MAP3K3: variants seen among roughly 807,000 people sequenced by gnomAD.
MAP3K3 encodes the protein mitogen-activated protein kinase kinase kinase 3.
In MAP3K3, 12 loss-of-function variants were observed where a neutral mutation model predicts 80.9. The observed-to-expected ratio is 0.15, with a 90% CI of 0.10 to 0.24. The LOEUF is 0.24. Ranked by LOEUF, MAP3K3 falls within the 10% of genes least tolerant of loss-of-function variation. The pLI is 1.00. For missense variants in MAP3K3, 596 were observed against 834.7 expected (o/e 0.71, Z 3.52); for synonymous variants, 272 against 307.1 (o/e 0.89, Z 1.19).
intron 1 of MAP3K3, 74 bp from the exon 2 acceptor site, chr17:63,632,607 G>C: frequency 6.4e-7 from 1 of 1,560,582 alleles, no homozygotes. Context: ...CTGAGTATTA[G>C]TTATACAGTT....
At chr17:63,626,299 C>G (rs983542131) in intron 1 of MAP3K3, among the ~76,000 whole-genome samples, 4 of 152,110 alleles carry the variant, frequency 2.6e-5, no homozygotes, top group Non-Finnish European at 5.9e-5. Flanking sequence ...CAAGAAGTTA[C>G]AGTTAGGTAA....
At chr17:63,656,459 G>A (rs115535277) in intron 4 of MAP3K3, among the ~76,000 whole-genome samples, 2,516 of 151,314 alleles carry the variant, frequency 0.017, 63 homozygotes, top group African/African-American at 0.058. Context: ...AAAAAAATTA[G>A]TGGGGAGTGG....
chr17:63,663,471 C>T (rs1416489417), intron 5 of MAP3K3, among the ~76,000 whole-genome samples: 1 of 150,274 alleles, frequency 6.7e-6, no homozygotes, highest in African/African-American at 2.5e-5. Context: ...CATTGCACTC[C>T]AGCCTGGGCG....
At position 63,695,605 on chromosome 17, in the gene MAP3K3, G is replaced by C. The variant is rs951906062; in HGVS notation, c.*1828G>C. The C allele has an allele frequency of 6.6e-6, 1 of 152,586 alleles. No individual in the cohort carries two copies. Among genetic ancestry groups the C allele is most frequent in the African/African-American group, 2.4e-5 (1 of 41,406 alleles). The allele number at this position is 152,586 out of a possible 1,614,324, so 9.5% of individuals were successfully genotyped here. On this transcript the variant is annotated 3_prime_UTR_variant, in exon 16 of 16. Transcript: ENST00000361733. This position sits in a 1 kb window ranked among gnomAD's most constrained non-coding sequence, Gnocchi z 4.1. ...GACCAAAGCTGCTGTGTGGCAGCTC[G>C]GCCTCTCTACGACCCCATCTTGGTG...
At chr17:63,674,074 T>C (rs1192841068) in intron 6 of MAP3K3, among the ~76,000 whole-genome samples, 2 of 150,268 alleles carry the variant, frequency 1.3e-5, no homozygotes, top group African/African-American at 4.9e-5. Flanking sequence ...AGTGAGACTC[T>C]GTCTCAAAAA....
At chr17:63,624,053 GCTTA>G (rs769487380) in intron 1 of MAP3K3, among the ~76,000 whole-genome samples, 5 of 152,154 alleles carry the variant, frequency 3.3e-5, no homozygotes, top group Non-Finnish European at 5.9e-5. Flanking sequence ...CATTTGCTGG[GCTTA>G]CTGTTTCCTT....
At chr17:63,655,036 TA>T (rs111345447) in intron 4 of MAP3K3, among the ~76,000 whole-genome samples, 1,771 of 151,832 alleles carry the variant, frequency 0.012, 39 homozygotes, top group African/African-American at 0.04. Context: ...AAAAAACGAT[TA>T]AAAAAAATTA....
At position 63,628,824 on chromosome 17, in the gene MAP3K3, TTAAG is replaced by T. The variant is rs567062077; in HGVS notation, c.5-3854_5-3851del. 7.2e-5 allele frequency among the ~76,000 whole-genome samples: 11 copies of T among 152,332 alleles called. No homozygotes were observed. In the South Asian group the frequency reaches 1.7e-3, roughly 23 times the overall value. On this transcript the variant is annotated intron_variant, in intron 1 of 15. Coordinates refer to ENST00000361733, the MANE Select transcript of MAP3K3 (RefSeq NM_002401.5). ...GATTTATAAAAGTTCAGTAATAAAATTAAGTATTAGGGTAGATTAAATGGCCTCC... is the reference window on the plus strand; with the variant it reads ...GATTTATAAAAGTTCAGTAATAAAATTATTAGGGTAGATTAAATGGCCTCC...
chr17:63,650,683 AGAG>A (rs1158220429), intron 3 of MAP3K3, among the ~76,000 whole-genome samples: 5 of 147,418 alleles, frequency 3.4e-5, no homozygotes, highest in African/African-American at 1.3e-4. Flanking sequence ...AGAGAGAGAG[AGAG>A]AGAGAGAGAG....
Position 63,694,192 on chromosome 17 carries a change from A to C in MAP3K3, c.*415A>C. 2 of 156,768 alleles carry C rather than the reference A, an allele frequency of 1.3e-5. No individual in the cohort carries two copies. The highest frequency in any genetic ancestry group is 2.4e-5 in the African/African-American group (1 of 41,654). 9.7% of individuals were successfully genotyped at this position (156,768 alleles called of 1,614,324 possible). On this transcript the variant is annotated 3_prime_UTR_variant, in exon 16 of 16. Coordinates refer to ENST00000361733, the MANE Select transcript of MAP3K3 (RefSeq NM_002401.5). Reference sequence around the variant, plus strand: ...AAGTGTTATTTTGTTTTTCCTTCCAATGTCTGGAGACCACCAGGGCATCTC... The same window carrying C: ...AAGTGTTATTTTGTTTTTCCTTCCACTGTCTGGAGACCACCAGGGCATCTC...
At chr17:63,628,768 CAAGAT>C (rs1432001753) in intron 1 of MAP3K3, among the ~76,000 whole-genome samples, 4 of 152,040 alleles carry the variant, frequency 2.6e-5, no homozygotes, top group Non-Finnish European at 4.4e-5. Context: ...ATGTGTAATA[CAAGAT>C]AAGTATTCAG....
At chr17:63,644,723 G>A (rs2034508004) in intron 2 of MAP3K3, among the ~76,000 whole-genome samples, 2 of 152,112 alleles carry the variant, frequency 1.3e-5, no homozygotes, top group Admixed American at 6.6e-5. Context: ...GAGTCCTTTA[G>A]GCATCTACCC....
chr17:63,656,153 C>T (rs763487369), intron 4 of MAP3K3, among the ~76,000 whole-genome samples: 5 of 151,952 alleles, frequency 3.3e-5, no homozygotes, highest in Non-Finnish European at 7.4e-5. Context: ...TCACTTTAGC[C>T]CAGGAGGCGG....
At chr17:63,623,302 G>A (rs554090241) in intron 1 of MAP3K3, among the ~76,000 whole-genome samples, 1 of 152,250 alleles carries the variant, frequency 6.6e-6, no homozygotes, top group Admixed American at 6.5e-5. Flanking sequence ...GGCGTGCGGG[G>A]CTCGGCTAGG....
chr17:63,665,895 T>TAG (rs2034990152), intron 5 of MAP3K3, among the ~76,000 whole-genome samples: 1 of 152,164 alleles, frequency 6.6e-6, no homozygotes. Flanking sequence ...GGACAGGATA[T>TAG]AGAGTTTGTT....
chr17:63,652,496 C>G (rs969725069), intron 3 of MAP3K3, 61 bp from the exon 4 acceptor site: 3 of 1,100,870 alleles, frequency 2.7e-6, no homozygotes, highest in Non-Finnish European at 4.2e-6. Context: ...CAGACCATTG[C>G]TTTTTAAACC....
At chr17:63,656,647 G>A (rs563721237) in intron 4 of MAP3K3, among the ~76,000 whole-genome samples, 2 of 152,138 alleles carry the variant, frequency 1.3e-5, no homozygotes, top group South Asian at 4.1e-4. Context: ...CATTTGCTAG[G>A]TCCTAAGCAA....
intron 2 of MAP3K3, among the ~76,000 whole-genome samples, chr17:63,645,089 C>T (rs1215962089): frequency 6.6e-6 from 1 of 152,110 alleles, no homozygotes; most frequent in South Asian, 2.1e-4. Context: ...CATATTTATA[C>T]TTCTGTTCTT....
intron 2 of MAP3K3, among the ~76,000 whole-genome samples, chr17:63,634,344 T>C (rs1329780062): frequency 1.3e-5 from 2 of 152,190 alleles, no homozygotes; most frequent in Non-Finnish European, 2.9e-5. Flanking sequence ...TTAGCATGAA[T>C]ATCAGTTAGT....
Sources: gnomAD v4.1 joint callset for allele counts (sites outside exome capture counted in the v4.1 genomes callset) on GRCh38, gnomAD v4.1.1 for gene constraint, Gnocchi (gnomAD v3.1) non-coding constraint, MANE v1.5 for transcripts, NCBI Gene and HGNC (gene_info 2026-07-23, HGNC 2026-07-21) for gene names.